The following CHODL variants were observed in gnomAD, a reference collection of about 807,000 sequenced individuals.
CHODL encodes the protein transmembrane protein MT75.
A neutral mutation model predicts 34.5 loss-of-function variants in CHODL; 29 were observed. The ratio of observed to expected loss-of-function variants is 0.84; its 90% CI spans 0.63 to 1.15. The LOEUF (loss-of-function observed/expected upper bound fraction) is 1.15, where lower values mean the gene tolerates loss of function less well. Ranked by LOEUF, CHODL falls within the 50% of genes most tolerant of loss-of-function variation. The pLI is 0.00. For synonymous variants in CHODL, 125 were observed against 116.1 expected (o/e 1.08, Z -0.49); for missense variants, 332 against 332.5 (o/e 1.00, Z 0.01).
intron 5 of CHODL, among the ~76,000 whole-genome samples, chr21:18,263,534 A>G (rs1404907459): frequency 6.6e-6 from 1 of 152,136 alleles, no homozygotes; most frequent in Admixed American, 6.5e-5. Context: ...AAGTTTTTCC[A>G]TGTGTGCCAA....
intron 2 of CHODL, among the ~76,000 whole-genome samples, chr21:18,171,855 G>A (rs1601101526): frequency 1.3e-5 from 2 of 151,566 alleles, no homozygotes; most frequent in Non-Finnish European, 1.5e-5. Context: ...GCTAATGATT[G>A]AATTGGACAG....
At chr21:18,099,181 G>A (rs1015555307) in intron 2 of CHODL, among the ~76,000 whole-genome samples, 11 of 151,868 alleles carry the variant, frequency 7.2e-5, no homozygotes, top group African/African-American at 1.2e-4. Flanking sequence ...CAGCACAACC[G>A]GGAGACTATA....
chr21:18,214,653 C>G (rs1427458732), intron 2 of CHODL, among the ~76,000 whole-genome samples: 2 of 152,028 alleles, frequency 1.3e-5, no homozygotes, highest in Non-Finnish European at 2.9e-5. Flanking sequence ...TATGGAAGAA[C>G]CAGGAACAGC....
chr21:18,119,845 G>A (rs929599626), intron 2 of CHODL, among the ~76,000 whole-genome samples: 1 of 152,164 alleles, frequency 6.6e-6, no homozygotes, highest in East Asian at 1.9e-4. Context: ...TAAAAACAAA[G>A]TATGCAGGTC....
chr21:18,045,274 T>G (rs570840609), intron 2 of CHODL, among the ~76,000 whole-genome samples: 2 of 151,950 alleles, frequency 1.3e-5, no homozygotes, highest in African/African-American at 4.8e-5. Flanking sequence ...GATATAAACA[T>G]GCCCCAGACC....
chr21:18,224,953 G>A (rs899778544), intron 2 of CHODL, among the ~76,000 whole-genome samples: 2 of 151,986 alleles, frequency 1.3e-5, no homozygotes, highest in African/African-American at 2.4e-5. Context: ...TAGAATGCTG[G>A]TTATACAGAT....
upstream of CHODL, among the ~76,000 whole-genome samples, chr21:18,243,410 A>C (rs1568951893): frequency 6.6e-6 from 1 of 152,188 alleles, no homozygotes; most frequent in Admixed American, 6.5e-5. Context: ...CTAGTGTGAA[A>C]GTCACAGAAT....
intron 2 of CHODL, among the ~76,000 whole-genome samples, chr21:18,175,697 A>C (rs569886880): frequency 6.6e-6 from 1 of 152,240 alleles, no homozygotes; most frequent in East Asian, 1.9e-4. Context: ...AGCTTGTAAC[A>C]AATTATATGG....
intron 2 of CHODL, among the ~76,000 whole-genome samples, chr21:18,028,208 TCCTCC>T (rs147443488): frequency 0.13 from 9,693 of 74,874 alleles, 1,493 homozygotes; most frequent in African/African-American, 0.34. Flanking sequence ...CTTTAGCTCT[TCCTCC>T]CCTCCCCTCC....
At chr21:18,134,956 G>T (rs1568903846) in intron 2 of CHODL, among the ~76,000 whole-genome samples, 1 of 152,174 alleles carries the variant, frequency 6.6e-6, no homozygotes, top group Non-Finnish European at 1.5e-5. Context: ...AGTTAACAAA[G>T]ATGTGCTTTT....
intron 1 of CHODL, among the ~76,000 whole-genome samples, chr21:17,944,358 A>G (rs1297016575): frequency 6.6e-6 from 1 of 152,114 alleles, no homozygotes; most frequent in South Asian, 2.1e-4. Context: ...CGACCCAACA[A>G]TCCTGCCCAG....
chr21:17,925,074 T>C (rs1255823589), intron 1 of CHODL, among the ~76,000 whole-genome samples: 1 of 152,190 alleles, frequency 6.6e-6, no homozygotes, highest in Non-Finnish European at 1.5e-5. Flanking sequence ...GTGAGCAATC[T>C]GGGCAGCCAA....
chr21:18,249,884 G>A lies in CHODL; in HGVS notation c.79+4582G>A, dbSNP rs545216226. ...GCACTGTGTCGAGGTACAAGCCAAA[G>A]AGACAGGAGAAGGAGCTCAGCTTGG... is the stretch of plus-strand genomic sequence containing the variant. On this transcript the variant is annotated intron_variant, in intron 1 of 5. Coordinates refer to ENST00000299295, the MANE Select transcript of CHODL (RefSeq NM_024944.3). Among the ~76,000 whole-genome samples, 6 of 152,280 alleles carry A rather than the reference G, an allele frequency of 3.9e-5. 1 individual carries two copies. In the South Asian group the frequency reaches 1.2e-3, roughly 32 times the overall value.
intron 2 of CHODL, among the ~76,000 whole-genome samples, chr21:18,149,447 T>C (rs924971153): frequency 2.0e-5 from 3 of 152,116 alleles, no homozygotes; most frequent in Non-Finnish European, 4.4e-5. Context: ...TTACAAGAAA[T>C]TTGGGGGGGT....
chr21:18,171,729 C>G (rs1480108103), intron 2 of CHODL, among the ~76,000 whole-genome samples: 1 of 112,472 alleles, frequency 8.9e-6, no homozygotes, highest in East Asian at 2.6e-4. Flanking sequence ...CCCCCATATT[C>G]TCTTCAGTTT....
At chr21:18,077,706 G>C (rs2064883243) in intron 2 of CHODL, among the ~76,000 whole-genome samples, 1 of 152,052 alleles carries the variant, frequency 6.6e-6, no homozygotes, top group Non-Finnish European at 1.5e-5. Context: ...GTGCTGTTTA[G>C]GACGCAAACC....
chr21:18,052,570 T>C (rs2146470798), intron 2 of CHODL, among the ~76,000 whole-genome samples: 1 of 151,930 alleles, frequency 6.6e-6, no homozygotes, highest in East Asian at 1.9e-4. Context: ...TACTTTTTGT[T>C]GGGTATTTTT....
In CHODL at chr21:18,213,638, CA is replaced by C. The variant is rs149852049; in HGVS notation, c.-44-42869del. 4.0e-3 allele frequency among the ~76,000 whole-genome samples: 608 copies of C among 152,096 alleles called. 1 individual carries two copies. The highest frequency in any genetic ancestry group is 0.014 in the African/African-American group (581 of 41,544). ...GCTGAGATTGGAGTATAAACTTGAA[CA>C]AGGATGGAGAAAATAAGACTAGATA... On this transcript the variant is annotated intron_variant, in intron 2 of 6. Transcript: ENST00000400127.
At chr21:18,146,580 AT>A (rs2146619575) in intron 2 of CHODL, among the ~76,000 whole-genome samples, 1 of 152,214 alleles carries the variant, frequency 6.6e-6, no homozygotes, top group African/African-American at 2.4e-5. Flanking sequence ...TTCCATCATA[AT>A]TGTAAGTTTC....
Sources: gnomAD v4.1 joint callset for allele counts (sites outside exome capture counted in the v4.1 genomes callset) on GRCh38, gnomAD v4.1.1 for gene constraint, MANE v1.5 for transcripts, NCBI Gene and HGNC (gene_info 2026-07-23, HGNC 2026-07-21) for gene names.